Variants in GRM8 observed in about 807,000 individuals in gnomAD.
GRM8 encodes glutamate metabotropic receptor 8, also known as metabotropic glutamate receptor 8.
Under a neutral mutation model 87.2 loss-of-function variants are expected in GRM8, and 47 were observed. The ratio of observed to expected loss-of-function variants is 0.54; its 90% CI spans 0.43 to 0.69. GRM8 has a LOEUF of 0.69. Among genes scored for constraint, GRM8 ranks in the 30% least tolerant of loss-of-function variants. The pLI is 0.00. For synonymous variants in GRM8, 396 were observed against 404.5 expected, an observed-to-expected ratio of 0.98 and a Z score of 0.25; for missense variants, 1,019 against 1,139.2, an observed-to-expected ratio of 0.89 and a Z score of 1.52.
chr7:126,907,077 G>T (rs1802756395), intron 3 of GRM8, among the ~76,000 whole-genome samples: 2 of 151,088 alleles, frequency 1.3e-5, no homozygotes, highest in South Asian at 4.2e-4. Context: ...AAAAAGAATG[G>T]AGACGAGAAA....
At chr7:126,631,060 G>A (rs182950301) in intron 7 of GRM8, among the ~76,000 whole-genome samples, 2 of 152,126 alleles carry the variant, frequency 1.3e-5, no homozygotes, top group Admixed American at 1.3e-4. Context: ...AAAAATAAAG[G>A]GTATTCAAAT....
chr7:126,565,193 A>G (rs370632696), intron 8 of GRM8, among the ~76,000 whole-genome samples: 1 of 152,198 alleles, frequency 6.6e-6, no homozygotes, highest in East Asian at 1.9e-4. Context: ...AGTCCCAGCC[A>G]GGGCAATTAG....
chr7:126,829,582 G>A (rs1360226415), intron 6 of GRM8, among the ~76,000 whole-genome samples: 1 of 150,326 alleles, frequency 6.7e-6, no homozygotes, highest in Non-Finnish European at 1.5e-5. Context: ...CTTTTATTTT[G>A]AGCCTATGTG....
At chr7:126,474,980 T>C (rs868080539) in intron 9 of GRM8, among the ~76,000 whole-genome samples, 5 of 152,156 alleles carry the variant, frequency 3.3e-5, no homozygotes, top group African/African-American at 9.6e-5. Flanking sequence ...GGAAAGATCC[T>C]CAACATAACA....
intron 10 of GRM8, among the ~76,000 whole-genome samples, chr7:126,445,629 A>C (rs535422743): frequency 4.2e-4 from 64 of 152,176 alleles, no homozygotes; most frequent in African/African-American, 1.5e-3. Flanking sequence ...CGTGGGAGAA[A>C]CAAGTATTAA....
At chr7:127,190,703 A>G (rs1794983417) in intron 2 of GRM8, among the ~76,000 whole-genome samples, 1 of 152,226 alleles carries the variant, frequency 6.6e-6, no homozygotes, top group Admixed American at 6.5e-5. Context: ...GAATTTATGA[A>G]TTGCAAAGAT....
intron 3 of GRM8, among the ~76,000 whole-genome samples, chr7:127,012,978 G>C (rs1815047391): frequency 6.6e-6 from 1 of 152,102 alleles, no homozygotes; most frequent in Non-Finnish European, 1.5e-5. Flanking sequence ...TGGCAGAGAG[G>C]GGACGAGAAA....
chr7:126,681,675 C>T (rs972482667), intron 7 of GRM8, among the ~76,000 whole-genome samples: 1 of 152,204 alleles, frequency 6.6e-6, no homozygotes, highest in Non-Finnish European at 1.5e-5. Flanking sequence ...TTCCAGGCAT[C>T]ACACTGAGGT....
intron 3 of GRM8, among the ~76,000 whole-genome samples, chr7:126,910,824 C>T (rs1379943846): frequency 6.6e-6 from 1 of 152,078 alleles, no homozygotes; most frequent in Non-Finnish European, 1.5e-5. Flanking sequence ...AGATAAAAGG[C>T]TTGTATGTAT....
chr7:126,599,361 A>G (rs1201117074), intron 8 of GRM8, among the ~76,000 whole-genome samples: 1 of 152,094 alleles, frequency 6.6e-6, no homozygotes, highest in African/African-American at 2.4e-5. Context: ...TACCCTTACT[A>G]CAGTGTGCTC....
chr7:127,097,306 T>C (rs1824755285), intron 3 of GRM8, among the ~76,000 whole-genome samples: 1 of 152,138 alleles, frequency 6.6e-6, no homozygotes. Context: ...TTAGGTGACA[T>C]GGCAAATAAT....
intron 6 of GRM8, among the ~76,000 whole-genome samples, chr7:126,827,194 T>C (rs1460634536): frequency 2.0e-5 from 3 of 152,224 alleles, no homozygotes; most frequent in Non-Finnish European, 2.9e-5. Flanking sequence ...GACTTGGTGA[T>C]GTGGGCTCTT....
intron 7 of GRM8, among the ~76,000 whole-genome samples, chr7:126,696,567 TACTG>T (rs1809398802): frequency 6.6e-6 from 1 of 152,170 alleles, no homozygotes; most frequent in Admixed American, 6.5e-5. Flanking sequence ...AAGGAACTAT[TACTG>T]AGAGAGAGGC....
chr7:126,704,681 G>T (rs775773060), intron 7 of GRM8, among the ~76,000 whole-genome samples: 5 of 152,062 alleles, frequency 3.3e-5, no homozygotes, highest in Admixed American at 1.3e-4. Flanking sequence ...TGTCTTCTAT[G>T]GTCGAGCTGT....
chr7:126,708,763 A>G (rs1810805241), intron 7 of GRM8, among the ~76,000 whole-genome samples: 2 of 152,150 alleles, frequency 1.3e-5, no homozygotes, highest in African/African-American at 4.8e-5. Context: ...AGTTGAACTC[A>G]TGGAGGTAGA....
At chr7:126,880,802 T>C (rs559668291) in intron 6 of GRM8, among the ~76,000 whole-genome samples, 19 of 152,306 alleles carry the variant, frequency 1.2e-4, no homozygotes, top group Admixed American at 9.2e-4. Context: ...TCACCCTTTT[T>C]TCCTAATTCC....
intron 3 of GRM8, among the ~76,000 whole-genome samples, chr7:126,962,949 T>C (rs963970873): frequency 6.6e-6 from 1 of 152,214 alleles, no homozygotes; most frequent in Non-Finnish European, 1.5e-5. Context: ...AACTTAGAGA[T>C]CTTTGACCCT....
intron 10 of GRM8, among the ~76,000 whole-genome samples, chr7:126,440,527 C>G (rs1482277337): frequency 2.6e-5 from 4 of 151,790 alleles, no homozygotes; most frequent in Admixed American, 2.6e-4. Flanking sequence ...AAGCTCCATT[C>G]ATAGTAAGTT....
chr7:126,806,493 C>G (rs1792740475), intron 6 of GRM8, among the ~76,000 whole-genome samples: 2 of 152,270 alleles, frequency 1.3e-5, no homozygotes, highest in Non-Finnish European at 2.9e-5. Context: ...ATTCCCCTAT[C>G]TGGCCCCACC....
Sources: allele counts gnomAD v4.1 joint callset (sites outside exome capture counted in the v4.1 genomes callset), GRCh38; gene constraint gnomAD v4.1.1; transcripts MANE v1.5; gene names NCBI Gene and HGNC (gene_info 2026-07-23, HGNC 2026-07-21).